HS2ST1: variants seen among roughly 807,000 people sequenced by gnomAD.
HS2ST1 encodes the protein heparan sulfate 2-O-sulfotransferase 1, also known as 2-O-sulfotransferase.
HS2ST1 carries 18 observed loss-of-function variants against 42.9 expected under a neutral mutation model. That is an observed-to-expected ratio of 0.42 (90% confidence interval 0.29 to 0.62). The LOEUF (loss-of-function observed/expected upper bound fraction) is 0.62. Among genes scored for constraint, HS2ST1 ranks in the 20% least tolerant of loss-of-function variants. The pLI, the probability that HS2ST1 is intolerant of heterozygous loss-of-function variation, is 0.21. For synonymous variants in HS2ST1, 146 were observed against 152.9 expected (o/e 0.95, Z 0.33); for missense variants, 334 against 433.8 (o/e 0.77, Z 2.04).
chr1:86,968,347 G>A (rs143000775), intron 1 of HS2ST1, among the ~76,000 whole-genome samples: 3 of 152,122 alleles, frequency 2.0e-5, no homozygotes, highest in African/African-American at 7.2e-5. Context: ...GCATATATAT[G>A]TATTTGGTAA....
rs1651972639 is a variant in HS2ST1, at chr1:87,092,635, C to G, written c.554C>G (p.Pro185Arg). Residue 185 changes from proline to arginine, a missense_variant, in exon 4 of 7, where the codon CCA (proline) becomes CGA (arginine). Pro to Arg is a moderately radical substitution (Grantham distance 103). Coordinates refer to ENST00000370550, the MANE Select transcript of HS2ST1 (RefSeq NM_012262.4). ...CTGAGATTTGGAGATGATTATAGAC[C>G]AGGGTTACGGAGACGAAAACAAGGA... is the stretch of plus-strand genomic sequence containing the variant. Reference protein sequence around the residue: ...YFLRFGDDYRPGLRRRKQGDK... With the variant: ...YFLRFGDDYRRGLRRRKQGDK... 1 of 1,568,496 alleles carries G rather than the reference C, an allele frequency of 6.4e-7. No individual in the cohort carries two copies. Among genetic ancestry groups the G allele is most frequent in the African/African-American group, 1.4e-5 (1 of 72,084 alleles).
intron 4 of HS2ST1, among the ~76,000 whole-genome samples, chr1:87,096,734 T>C (rs1247700986): frequency 6.6e-6 from 1 of 152,186 alleles, no homozygotes; most frequent in East Asian, 1.9e-4. Flanking sequence ...AAATATCACC[T>C]GAGGGTCAGA....
chr1:87,071,729 GA>G (rs537202045), intron 1 of HS2ST1, among the ~76,000 whole-genome samples: 12,208 of 107,812 alleles, frequency 0.11, 1,292 homozygotes, highest in African/African-American at 0.31. Context: ...CTCTGTCTCC[GA>G]AAAAAAAAAA....
At chr1:87,002,291 G>A (rs1224352700) in intron 1 of HS2ST1, among the ~76,000 whole-genome samples, 2 of 152,234 alleles carry the variant, frequency 1.3e-5, no homozygotes. Context: ...CTACTATTTA[G>A]ACTGTTAAAT....
At chr1:86,999,465 A>G (rs6674397) in intron 1 of HS2ST1, among the ~76,000 whole-genome samples, 13,455 of 152,218 alleles carry the variant, frequency 0.088, 687 homozygotes, top group Non-Finnish European at 0.12. Flanking sequence ...GGCGTGAGCC[A>G]CCACACCTGG....
At chr1:87,038,099 G>GT (rs752904576) in intron 1 of HS2ST1, among the ~76,000 whole-genome samples, 216 of 152,062 alleles carry the variant, frequency 1.4e-3, no homozygotes, top group Admixed American at 2.4e-3. Flanking sequence ...TAATATTATA[G>GT]TTTTTAAAAC....
chr1:86,915,104 C>T lies in HS2ST1; in HGVS notation c.68C>T (p.Ala23Val), dbSNP rs754723027. The change falls in exon 1 of 7, where the codon GCG (alanine) becomes GTG (valine). Residue 23 changes from alanine to valine, a missense_variant. Ala to Val is a moderately conservative substitution (Grantham distance 64). Transcript: ENST00000370550. Reference protein sequence around the residue: ...QLLAVVAFAVAMLFLENQIQK... With the variant: ...QLLAVVAFAVVMLFLENQIQK... ...CTGGCGGTGGTGGCCTTCGCGGTGG[C>T]GATGCTCTTCTTGGAAAACCAGATC... 9.3e-6 allele frequency: 15 copies of T among 1,613,894 alleles called. No homozygotes were observed. Among genetic ancestry groups the T allele is most frequent in the Admixed American group, 1.7e-5 (1 of 60,000 alleles).
At chr1:87,065,957 C>T (rs1356627866) in intron 1 of HS2ST1, among the ~76,000 whole-genome samples, 1 of 152,098 alleles carries the variant, frequency 6.6e-6, no homozygotes, top group African/African-American at 2.4e-5. Flanking sequence ...ATTGCTCTTT[C>T]TCTTTGCTGT....
intron 1 of HS2ST1, among the ~76,000 whole-genome samples, chr1:86,951,178 A>G (rs775739249): frequency 3.3e-5 from 5 of 152,222 alleles, no homozygotes; most frequent in African/African-American, 4.8e-5. Context: ...AAACATTTAC[A>G]TATCAGTTCT....
intron 2 of HS2ST1, among the ~76,000 whole-genome samples, chr1:87,083,785 C>T (rs548624153): frequency 2.8e-4 from 43 of 152,200 alleles, no homozygotes; most frequent in African/African-American, 8.4e-4. Flanking sequence ...TAAAAATAAA[C>T]TTTTATGAAC....
intron 1 of HS2ST1, among the ~76,000 whole-genome samples, chr1:86,989,605 T>C (rs1648884772): frequency 6.6e-6 from 1 of 152,232 alleles, no homozygotes; most frequent in African/African-American, 2.4e-5. Flanking sequence ...AGTTCTGGGA[T>C]ACATGTGCAG....
In HS2ST1 at chr1:86,915,272, C is replaced by A. The variant is rs989359901; in HGVS notation, c.124+112C>A. 12 of 1,276,230 alleles carry A rather than the reference C, an allele frequency of 9.4e-6. No homozygotes were observed. The Admixed American group carries it at 3.1e-4, about 33-fold the overall frequency. 79.1% of individuals were successfully genotyped at this position (1,276,230 alleles called of 1,614,324 possible). A position where few individuals can be genotyped will look rare whatever the true frequency, so the allele number is the denominator to read the frequency against. ...TGGGGTCTGGCTCGGGGGCTGAAAG[C>A]GGTTTCAAAGAGAACCGGGAACAAG... is the stretch of plus-strand genomic sequence containing the variant. On this transcript the variant is annotated intron_variant, in intron 1 of 6. Transcript: ENST00000370550.
At chr1:87,075,485 C>T (rs1378792171) in intron 2 of HS2ST1, among the ~76,000 whole-genome samples, 4 of 152,040 alleles carry the variant, frequency 2.6e-5, no homozygotes, top group African/African-American at 9.7e-5. Flanking sequence ...ATTAAATGAA[C>T]TATTTTGCTC....
chr1:87,077,988 G>A (rs1011729769), intron 2 of HS2ST1, among the ~76,000 whole-genome samples: 6 of 152,236 alleles, frequency 3.9e-5, no homozygotes, highest in Non-Finnish European at 7.4e-5. Context: ...CCACTACTTT[G>A]TTTTCCTGTG....
At chr1:87,015,527 G>T (rs977313932) in intron 1 of HS2ST1, among the ~76,000 whole-genome samples, 1 of 151,046 alleles carries the variant, frequency 6.6e-6, no homozygotes, top group East Asian at 2.0e-4. Context: ...CGTATTTTTA[G>T]TGGAGACAGG....
intron 1 of HS2ST1, among the ~76,000 whole-genome samples, chr1:86,956,247 C>G (rs1647672984): frequency 6.6e-6 from 1 of 152,142 alleles, no homozygotes; most frequent in South Asian, 2.1e-4. Context: ...GACTCCTTTT[C>G]TGAAAATTCC....
chr1:86,966,047 G>C (rs1276877235), intron 1 of HS2ST1, among the ~76,000 whole-genome samples: 1 of 152,190 alleles, frequency 6.6e-6, no homozygotes, highest in Admixed American at 6.5e-5. Context: ...GATACTAGCG[G>C]AAGATTGGAG....
intron 1 of HS2ST1, among the ~76,000 whole-genome samples, chr1:86,945,201 G>A (rs1647294913): frequency 6.6e-6 from 1 of 152,108 alleles, no homozygotes. Context: ...CATGCAGAGA[G>A]GATGGCATGA....
At chr1:87,101,363 G>A (rs147061358) in intron 5 of HS2ST1, among the ~76,000 whole-genome samples, 4,088 of 151,112 alleles carry the variant, frequency 0.027, 193 homozygotes, top group African/African-American at 0.093. Flanking sequence ...ATGGGGTTTC[G>A]CTATGTTGGC....
Sources: allele counts gnomAD v4.1 joint callset (sites outside exome capture counted in the v4.1 genomes callset), GRCh38; gene constraint gnomAD v4.1.1; transcripts MANE v1.5; gene names NCBI Gene and HGNC (gene_info 2026-07-23, HGNC 2026-07-21).